OSBPL10: variants seen among roughly 807,000 people sequenced by gnomAD.
The protein encoded by OSBPL10 is oxysterol binding protein like 10, also known as oxysterol-binding protein-related protein 10.
In OSBPL10, 49 loss-of-function variants were observed where a neutral mutation model predicts 81.7. The observed-to-expected ratio is 0.60, with a 90% CI of 0.48 to 0.76. OSBPL10 has a LOEUF of 0.76. Ranked by LOEUF, OSBPL10 falls within the 30% of genes least tolerant of loss-of-function variation. The pLI is 0.00. For synonymous variants in OSBPL10, 419 were observed against 383.6 expected, an observed-to-expected ratio of 1.09 and a Z score of -1.08; for missense variants, 923 against 987.8, an observed-to-expected ratio of 0.93 and a Z score of 0.88.
chr3:31,743,608 C>T (rs1375977844), intron 5 of OSBPL10, among the ~76,000 whole-genome samples: 3 of 151,672 alleles, frequency 2.0e-5, no homozygotes, highest in Admixed American at 6.6e-5. Context: ...AAATACTATA[C>T]AAGATGAAAT....
intron 10 of OSBPL10, 124 bp from the exon 11 acceptor site, chr3:31,664,356 T>A: frequency 4.4e-6 from 4 of 903,770 alleles, no homozygotes; most frequent in Non-Finnish European, 6.7e-6. Flanking sequence ...GGGTAGCTCA[T>A]CCCAGATACC....
chr3:32,030,940 T>C (rs1575088878), intron 2 of OSBPL10, among the ~76,000 whole-genome samples: 1 of 151,664 alleles, frequency 6.6e-6, no homozygotes, highest in Non-Finnish European at 1.5e-5. Flanking sequence ...CCGAGGCGGG[T>C]GGATCACCTG....
At chr3:31,858,799 G>A (rs186426470) in intron 3 of OSBPL10, among the ~76,000 whole-genome samples, 32 of 152,284 alleles carry the variant, frequency 2.1e-4, no homozygotes, top group African/African-American at 7.2e-4. Flanking sequence ...GATGCATGGG[G>A]AATATAAACA....
intron 6 of OSBPL10, among the ~76,000 whole-genome samples, chr3:31,725,522 C>A (rs1281411898): frequency 1.3e-5 from 2 of 152,112 alleles, no homozygotes; most frequent in Admixed American, 1.3e-4. Context: ...AATAAGAATT[C>A]TATCCCATGA....
At chr3:31,788,623 T>C (rs938292852) in intron 4 of OSBPL10, among the ~76,000 whole-genome samples, 2 of 152,084 alleles carry the variant, frequency 1.3e-5, no homozygotes, top group Non-Finnish European at 2.9e-5. Flanking sequence ...CATTTAAAAA[T>C]GGCTGTATGG....
chr3:31,921,693 A>C (rs1359045344), intron 1 of OSBPL10, among the ~76,000 whole-genome samples: 1 of 152,202 alleles, frequency 6.6e-6, no homozygotes, highest in Non-Finnish European at 1.5e-5. Flanking sequence ...CCATTCCCTC[A>C]AGAAGGAGGA....
intron 1 of OSBPL10, among the ~76,000 whole-genome samples, chr3:31,979,682 C>T (rs970079558): frequency 2.0e-5 from 3 of 152,052 alleles, no homozygotes; most frequent in African/African-American, 7.2e-5. Context: ...ACTTGTATTT[C>T]CCTCTGGCTT....
At chr3:31,870,248 G>A (rs540748725) in intron 3 of OSBPL10, among the ~76,000 whole-genome samples, 9 of 152,358 alleles carry the variant, frequency 5.9e-5, no homozygotes, top group African/African-American at 1.9e-4. Context: ...GGGCAGTGAG[G>A]GGCTTAGCAC....
chr3:31,722,597 A>C (rs978549968), intron 6 of OSBPL10, among the ~76,000 whole-genome samples: 7 of 152,300 alleles, frequency 4.6e-5, no homozygotes, highest in Middle Eastern at 3.4e-3. Context: ...TGGAATTAGC[A>C]TCAATCTACT....
chr3:31,755,350 C>T (rs541589267), intron 4 of OSBPL10, among the ~76,000 whole-genome samples: 2 of 152,284 alleles, frequency 1.3e-5, no homozygotes, highest in Admixed American at 6.5e-5. Flanking sequence ...ATTTCCACTT[C>T]CAAGTTGAAG....
rs1283411061 is a variant in OSBPL10 at position 31,934,145 on chromosome 3, A to ACAAAGGCT, written c.281+46746_281+46753dup. Among the ~76,000 whole-genome samples, 8 of 151,794 alleles carry ACAAAGGCT rather than the reference A, an allele frequency of 5.3e-5. No individual in the cohort carries two copies. The South Asian group carries it at 1.7e-3, about 32-fold the overall frequency. Reference sequence around the variant, plus strand: ...CTTTGGTAAGAGGCATAAACTAATTACAAAGGCTTTTTTGGTCTGTTTGTT... The same window carrying ACAAAGGCT: ...CTTTGGTAAGAGGCATAAACTAATTACAAAGGCTCAAAGGCTTTTTTGGTCTGTTTGTT... On this transcript the variant is annotated intron_variant, in intron 1 of 11. Coordinates refer to ENST00000396556, the MANE Select transcript of OSBPL10 (RefSeq NM_017784.5).
At chr3:31,826,008 T>C (rs556402777) in intron 4 of OSBPL10, among the ~76,000 whole-genome samples, 3 of 152,288 alleles carry the variant, frequency 2.0e-5, no homozygotes, top group African/African-American at 4.8e-5. Flanking sequence ...ATCTAAAATG[T>C]ATTATTGTTT....
chr3:31,838,758 T>G (rs913884499), intron 3 of OSBPL10, among the ~76,000 whole-genome samples: 1 of 152,138 alleles, frequency 6.6e-6, no homozygotes, highest in Non-Finnish European at 1.5e-5. Context: ...AAGGCCAATA[T>G]AGCATACTAA....
upstream of OSBPL10, among the ~76,000 whole-genome samples, chr3:31,982,646 G>A (rs1458624807): frequency 2.3e-5 from 3 of 132,602 alleles, no homozygotes; most frequent in Admixed American, 2.4e-4. Context: ...TGCCTACATA[G>A]TGTTAAAAAA....
intron 1 of OSBPL10, among the ~76,000 whole-genome samples, chr3:31,931,843 G>A (rs1037861817): frequency 2.0e-5 from 3 of 152,206 alleles, no homozygotes; most frequent in African/African-American, 7.2e-5. Context: ...TTGGGAGCCT[G>A]AGGTGGGTGG....
At chr3:31,903,677 ATCAGAG>A (rs1364866056) in intron 1 of OSBPL10, among the ~76,000 whole-genome samples, 1 of 152,150 alleles carries the variant, frequency 6.6e-6, no homozygotes, top group African/African-American at 2.4e-5. Flanking sequence ...GAGATCTCTC[ATCAGAG>A]TCAAACAGCC....
intron 4 of OSBPL10, among the ~76,000 whole-genome samples, chr3:31,762,684 G>T (rs1698086267): frequency 8.1e-6 from 1 of 123,500 alleles, no homozygotes; most frequent in East Asian, 2.7e-4. Flanking sequence ...GCCCAGGCTG[G>T]TGTCAAGCTC....
chr3:31,778,033 A>G (rs1698589334), intron 4 of OSBPL10, among the ~76,000 whole-genome samples: 1 of 152,192 alleles, frequency 6.6e-6, no homozygotes, highest in Non-Finnish European at 1.5e-5. Context: ...GGGGGCAAAC[A>G]GGAAATGCTG....
At chr3:31,706,354 A>AG (rs1232568628) in intron 6 of OSBPL10, among the ~76,000 whole-genome samples, 1 of 152,264 alleles carries the variant, frequency 6.6e-6, no homozygotes, top group Non-Finnish European at 1.5e-5. Context: ...TTTTCTGAAG[A>AG]GGGGGTCCAT....
Sources: gnomAD v4.1 joint callset for allele counts (sites outside exome capture counted in the v4.1 genomes callset) on GRCh38, gnomAD v4.1.1 for gene constraint, MANE v1.5 for transcripts, NCBI Gene and HGNC (gene_info 2026-07-23, HGNC 2026-07-21) for gene names.